The following COL14A1 variants were observed in gnomAD, a reference collection of about 807,000 sequenced individuals.
COL14A1 encodes collagen type XIV alpha 1 chain.
In COL14A1, 136 loss-of-function variants were observed where a neutral mutation model predicts 230.3. The observed-to-expected ratio is 0.59, with a 90% CI of 0.51 to 0.68. The LOEUF (loss-of-function observed/expected upper bound fraction) is 0.68. Ranked by LOEUF, COL14A1 falls within the 30% of genes least tolerant of loss-of-function variation. The pLI is 0.00. For missense variants in COL14A1, 1,976 were observed against 2,215.8 expected (o/e 0.89, Z 2.17); for synonymous variants, 792 against 784.1 (o/e 1.01, Z -0.17).
intron 40 of COL14A1, among the ~76,000 whole-genome samples, chr8:120,325,044 A>C (rs1385329265): frequency 6.6e-6 from 1 of 152,234 alleles, no homozygotes; most frequent in African/African-American, 2.4e-5. Context: ...TGTTTAATTA[A>C]ATGTCTGTAT....
chr8:120,264,153 A>G (rs1190159618), intron 24 of COL14A1, among the ~76,000 whole-genome samples: 1 of 152,006 alleles, frequency 6.6e-6, no homozygotes, highest in Admixed American at 6.6e-5. Context: ...CAGACAATCT[A>G]CTTTCTTTTA....
At chr8:120,150,955 T>A (rs775936877) in intron 2 of COL14A1, among the ~76,000 whole-genome samples, 9 of 151,202 alleles carry the variant, frequency 6.0e-5, no homozygotes, top group Non-Finnish European at 1.0e-4. Flanking sequence ...TAGAGTTCAA[T>A]AAGAGTTTAA....
rs187024758 is a variant in COL14A1 at position 120,354,428 on chromosome 8, A to G, written c.5077+8865A>G. On this transcript the variant is annotated intron_variant, in intron 45 of 47. Coordinates refer to ENST00000297848, the MANE Select transcript of COL14A1 (RefSeq NM_021110.4). ...AAAAAAAGAAAAACACTATCCCCAT[A>G]CAATGTCTTTGATTAACCCCATCTT... Among the ~76,000 whole-genome samples the G allele has an allele frequency of 8.4e-4, 125 of 149,422 alleles. 2 individuals carry two copies. In the East Asian group the frequency reaches 0.01, roughly 12 times the overall value.
At chr8:120,318,448 T>A (rs1287313602) in intron 40 of COL14A1, among the ~76,000 whole-genome samples, 1 of 152,096 alleles carries the variant, frequency 6.6e-6, no homozygotes, top group East Asian at 1.9e-4. Flanking sequence ...GCTATTTAGG[T>A]GGCTCTGATC....
chr8:120,304,734 G>C (rs939662390), intron 36 of COL14A1, among the ~76,000 whole-genome samples: 1 of 152,084 alleles, frequency 6.6e-6, no homozygotes, highest in Non-Finnish European at 1.5e-5. Flanking sequence ...GTTGGAAAGG[G>C]AGAAAATGGT....
chr8:120,246,777 A>T (rs1818780719), intron 20 of COL14A1, among the ~76,000 whole-genome samples: 1 of 152,248 alleles, frequency 6.6e-6, no homozygotes, highest in South Asian at 2.1e-4. Flanking sequence ...CAAAATGCAT[A>T]CAAATTTACA....
intron 9 of COL14A1, among the ~76,000 whole-genome samples, chr8:120,204,383 T>C (rs1171827443): frequency 6.6e-6 from 1 of 152,166 alleles, no homozygotes; most frequent in Non-Finnish European, 1.5e-5. Flanking sequence ...ATCTCCAATA[T>C]TTTTCATGTC....
chr8:120,245,058 T>C (rs2130854295), intron 20 of COL14A1, among the ~76,000 whole-genome samples: 1 of 152,310 alleles, frequency 6.6e-6, no homozygotes, highest in East Asian at 1.9e-4. Flanking sequence ...CCCCATGCCC[T>C]AGCGATTCCT....
At chr8:120,345,709 T>C (rs1822485928) in intron 45 of COL14A1, 146 bp downstream of exon 45, 2 of 763,390 alleles carry the variant, frequency 2.6e-6, no homozygotes, top group African/African-American at 3.7e-5. Context: ...TTCTTGTTTA[T>C]TTATCTCTGA....
At position 120,333,048 on chromosome 8, in the gene COL14A1, T is replaced by C. The variant is rs1009374390; in HGVS notation, c.4785+313T>C. ...CTCTCCAGAGATTGGGTACAACAGCTACGTGTTAATCAAGCTGGGTTCCCA... is the reference window on the plus strand; with the variant it reads ...CTCTCCAGAGATTGGGTACAACAGCCACGTGTTAATCAAGCTGGGTTCCCA... On this transcript the variant is annotated intron_variant, in intron 42 of 47. Transcript: ENST00000297848. Among the ~76,000 whole-genome samples, 10 of 152,346 alleles carry C rather than the reference T, an allele frequency of 6.6e-5. No individual in the cohort carries two copies. The East Asian group carries it at 1.9e-3, about 29-fold the overall frequency.
In COL14A1 at chr8:120,353,598, C is replaced by T. The variant is rs1281271133; in HGVS notation, c.5077+8035C>T. ...GGGCGAAGGACATGAACAGACACCT[C>T]TCAAAAGAAGACATTTATGCAGCCA... On this transcript the variant is annotated intron_variant, in intron 45 of 47. Coordinates refer to ENST00000297848, the MANE Select transcript of COL14A1 (RefSeq NM_021110.4). 5.9e-5 allele frequency among the ~76,000 whole-genome samples: 9 copies of T among 151,566 alleles called. No individual in the cohort carries two copies. The South Asian group carries it at 1.9e-3, about 32-fold the overall frequency.
intron 40 of COL14A1, among the ~76,000 whole-genome samples, chr8:120,323,761 G>A (rs1770720231): frequency 6.6e-6 from 1 of 152,024 alleles, no homozygotes; most frequent in African/African-American, 2.4e-5. Flanking sequence ...TCTCTCTTCT[G>A]CTCCATTGGT....
chr8:120,344,073 A>G (rs1029875173), intron 44 of COL14A1, among the ~76,000 whole-genome samples: 2 of 152,162 alleles, frequency 1.3e-5, no homozygotes, highest in Non-Finnish European at 2.9e-5. Flanking sequence ...ATTGACTTCT[A>G]GGAAGTAGAA....
chr8:120,218,776 C>T (rs555431006), intron 14 of COL14A1, among the ~76,000 whole-genome samples: 4 of 152,252 alleles, frequency 2.6e-5, no homozygotes, highest in Admixed American at 2.0e-4. Flanking sequence ...GCATCCAGGA[C>T]GCAGCCAGTC....
intron 20 of COL14A1, among the ~76,000 whole-genome samples, chr8:120,246,372 G>T (rs566832525): frequency 4.2e-4 from 64 of 152,276 alleles, no homozygotes; most frequent in Admixed American, 9.8e-4. Context: ...GAAGAGCAGA[G>T]CTATAGGGAG....
Position 120,341,370 on chromosome 8 carries a change from C to T in COL14A1, c.4821+10C>T, listed in dbSNP as rs750427524. Reference sequence around the variant, plus strand: ...GGAACGAGGAGAGCGGGTAAGTATCCTGTGGCTCTGCTTTCTGGCCCCAGC... The same window carrying T: ...GGAACGAGGAGAGCGGGTAAGTATCTTGTGGCTCTGCTTTCTGGCCCCAGC... On this transcript the variant is annotated intron_variant, in intron 43 of 47. Transcript: ENST00000297848. 1 of 1,613,926 alleles carries T rather than the reference C, an allele frequency of 6.2e-7. No individual in the cohort carries two copies. The highest frequency in any genetic ancestry group is 8.5e-7 in the Non-Finnish European group (1 of 1,179,964).
intron 1 of COL14A1, among the ~76,000 whole-genome samples, chr8:120,137,989 AT>A (rs1419232162): frequency 2.0e-5 from 3 of 152,080 alleles, no homozygotes; most frequent in African/African-American, 7.2e-5. Context: ...ATTGAGTTTT[AT>A]TTTATGGCCC....
Position 120,369,263 on chromosome 8 carries a change from T to C in COL14A1, c.5156-67T>C, listed in dbSNP as rs1479092514. 3.4e-5 allele frequency: 48 copies of C among 1,431,962 alleles called. 1 individual carries two copies. The highest frequency in any genetic ancestry group is 4.4e-5 in the Non-Finnish European group (48 of 1,087,450). 88.7% of individuals were successfully genotyped at this position (1,431,962 alleles called of 1,614,324 possible). On this transcript the variant is annotated intron_variant, in intron 46 of 47. Transcript: ENST00000297848. ...TTCTTCTAAGAGTTAGTTTACTTCT[T>C]GGTTGTCTCAAAACTCACCCTGTTG... is the stretch of plus-strand genomic sequence containing the variant.
At chr8:120,365,894 A>G (rs1823392499) in intron 45 of COL14A1, among the ~76,000 whole-genome samples, 1 of 152,202 alleles carries the variant, frequency 6.6e-6, no homozygotes, top group Non-Finnish European at 1.5e-5. Context: ...CTCCTAGTAA[A>G]GAAGAAGAGC....
Sources: gnomAD v4.1 joint callset for allele counts (sites outside exome capture counted in the v4.1 genomes callset) on GRCh38, gnomAD v4.1.1 for gene constraint, MANE v1.5 for transcripts, NCBI Gene and HGNC (gene_info 2026-07-23, HGNC 2026-07-21) for gene names.